The following EYA1 variants were observed in gnomAD, a reference collection of about 807,000 sequenced individuals.
EYA1 encodes protein phosphatase EYA1.
Under a neutral mutation model 82.0 loss-of-function variants are expected in EYA1, and 16 were observed. The ratio of observed to expected loss-of-function variants is 0.20; its 90% CI spans 0.13 to 0.30. The LOEUF is 0.30. Among genes scored for constraint, EYA1 ranks in the 10% least tolerant of loss-of-function variants. The probability of loss-of-function intolerance (pLI) is 1.00; values close to 1 mark genes in which losing one functional copy is unlikely to be tolerated. For synonymous variants in EYA1, 261 were observed against 264.4 expected (o/e 0.99, Z 0.12); for missense variants, 633 against 730.7 (o/e 0.87, Z 1.54).
At chr8:71,369,124 A>T (rs564615296) in intron 2 of EYA1, among the ~76,000 whole-genome samples, 1 of 149,338 alleles carries the variant, frequency 6.7e-6, no homozygotes, top group African/African-American at 2.5e-5. Context: ...AATTGCTTCA[A>T]CCTGGGAGGC....
At chr8:71,425,656 G>C (rs371924340) in intron 2 of EYA1, among the ~76,000 whole-genome samples, 3 of 152,236 alleles carry the variant, frequency 2.0e-5, no homozygotes, top group East Asian at 1.9e-4. Flanking sequence ...TCAGAAAAAG[G>C]CACCTTTAAA....
At chr8:71,232,932 G>A (rs1446123098) in intron 12 of EYA1, among the ~76,000 whole-genome samples, 1 of 152,132 alleles carries the variant, frequency 6.6e-6, no homozygotes, top group African/African-American at 2.4e-5. Flanking sequence ...GCACTTAACA[G>A]ATTTTAACTC....
chr8:71,514,866 G>C (rs1192614938), intron 2 of EYA1, among the ~76,000 whole-genome samples: 1 of 152,040 alleles, frequency 6.6e-6, no homozygotes, highest in Non-Finnish European at 1.5e-5. Flanking sequence ...TTAGTTTTTA[G>C]TTTATTGTAT....
At chr8:71,475,104 C>T (rs1488497985) in intron 2 of EYA1, among the ~76,000 whole-genome samples, 1 of 152,114 alleles carries the variant, frequency 6.6e-6, no homozygotes, top group Non-Finnish European at 1.5e-5. Context: ...GCACTCCAGC[C>T]TGGGCAATAA....
chr8:71,424,635 T>C (rs1269788920), intron 2 of EYA1, among the ~76,000 whole-genome samples: 1 of 152,230 alleles, frequency 6.6e-6, no homozygotes, highest in South Asian at 2.1e-4. Context: ...TGTCACCTTA[T>C]CTGCCCAGCT....
chr8:71,415,663 G>T (rs898080759), intron 2 of EYA1, among the ~76,000 whole-genome samples: 1 of 152,094 alleles, frequency 6.6e-6, no homozygotes, highest in Admixed American at 6.5e-5. Context: ...GTGCATTCAG[G>T]GTGACACACA....
chr8:71,421,962 T>G (rs2098443093), intron 2 of EYA1, among the ~76,000 whole-genome samples: 1 of 152,204 alleles, frequency 6.6e-6, no homozygotes, highest in African/African-American at 2.4e-5. Context: ...ATTCAAGGTA[T>G]GTTGGGTAGT....
intron 2 of EYA1, among the ~76,000 whole-genome samples, chr8:71,503,464 C>A (rs1449139977): frequency 4.0e-5 from 6 of 150,200 alleles, no homozygotes; most frequent in African/African-American, 4.9e-5. Context: ...CAGAGTAAGA[C>A]TCCATCTCAA....
At chr8:71,526,989 T>G (rs1338050344) in intron 2 of EYA1, among the ~76,000 whole-genome samples, 2 of 152,212 alleles carry the variant, frequency 1.3e-5, no homozygotes, top group Non-Finnish European at 2.9e-5. Context: ...TGTTTTAAAA[T>G]TAATCATAGG....
At chr8:71,344,349 A>G (rs1019800219) in intron 3 of EYA1, among the ~76,000 whole-genome samples, 5 of 152,182 alleles carry the variant, frequency 3.3e-5, no homozygotes, top group Non-Finnish European at 7.4e-5. Flanking sequence ...GACACAGGCA[A>G]TATTAAAGTA....
At chr8:71,446,140 C>T (rs972260365) in intron 2 of EYA1, among the ~76,000 whole-genome samples, 1 of 152,088 alleles carries the variant, frequency 6.6e-6, no homozygotes, top group Non-Finnish European at 1.5e-5. Context: ...CATTCACATG[C>T]CCTCAAGTTC....
chr8:71,287,428 C>T (rs866173476), intron 9 of EYA1, among the ~76,000 whole-genome samples: 1 of 152,154 alleles, frequency 6.6e-6, no homozygotes, highest in African/African-American at 2.4e-5. Flanking sequence ...TCCCTGTTCA[C>T]GCAGGCACTA....
chr8:71,222,471 G>A (rs376959900), intron 12 of EYA1, among the ~76,000 whole-genome samples: 17 of 152,212 alleles, frequency 1.1e-4, no homozygotes, highest in East Asian at 9.6e-4. Context: ...AGACACCAGA[G>A]ATTCATCATC....
At chr8:71,396,708 C>T (rs753718447) in intron 2 of EYA1, among the ~76,000 whole-genome samples, 26 of 152,220 alleles carry the variant, frequency 1.7e-4, no homozygotes, top group South Asian at 4.2e-4. Flanking sequence ...GCTTTACTTC[C>T]AACTATGTGG....
chr8:71,237,852 A>T (rs1001000830), intron 12 of EYA1, among the ~76,000 whole-genome samples: 3 of 152,200 alleles, frequency 2.0e-5, no homozygotes, highest in African/African-American at 7.2e-5. Flanking sequence ...TATTAAACAA[A>T]TATTACAGCT....
At chr8:71,232,967 G>T (rs894246546) in intron 12 of EYA1, among the ~76,000 whole-genome samples, 2 of 152,162 alleles carry the variant, frequency 1.3e-5, no homozygotes, top group African/African-American at 4.8e-5. Context: ...CTGACCCGAT[G>T]AGGTATATCA....
At chr8:71,272,799 C>T (rs890836010) in intron 9 of EYA1, among the ~76,000 whole-genome samples, 4 of 152,182 alleles carry the variant, frequency 2.6e-5, no homozygotes, top group African/African-American at 9.7e-5. Flanking sequence ...AAAAAGCTGG[C>T]TCACCCCACA....
At chr8:71,403,257 C>T (rs1830051209) in intron 2 of EYA1, among the ~76,000 whole-genome samples, 1 of 152,112 alleles carries the variant, frequency 6.6e-6, no homozygotes, top group South Asian at 2.1e-4. Flanking sequence ...AGAATATGAT[C>T]AGACAATTGG....
At chr8:71,440,457 A>T (rs957942142) in intron 2 of EYA1, among the ~76,000 whole-genome samples, 7 of 152,196 alleles carry the variant, frequency 4.6e-5, no homozygotes, top group African/African-American at 1.7e-4. Context: ...TATATGACTT[A>T]ACTAATTAGA....
Sources: allele counts gnomAD v4.1 joint callset (sites outside exome capture counted in the v4.1 genomes callset), GRCh38; gene constraint gnomAD v4.1.1; transcripts MANE v1.5; gene names NCBI Gene and HGNC (gene_info 2026-07-23, HGNC 2026-07-21).